SV2B: variants seen among roughly 807,000 people sequenced by gnomAD.
The protein encoded by SV2B is synaptic vesicle glycoprotein 2B.
In SV2B, 41 loss-of-function variants were observed where a neutral mutation model predicts 73.9. The ratio of observed to expected loss-of-function variants is 0.56; its 90% CI spans 0.43 to 0.72. The LOEUF is 0.72. Among genes scored for constraint, SV2B ranks in the 30% least tolerant of loss-of-function variants. SV2B has a pLI of 0.00. For missense variants in SV2B, 764 were observed against 857.8 expected, an observed-to-expected ratio of 0.89 and a Z score of 1.37; for synonymous variants, 314 against 314.2, an observed-to-expected ratio of 1.00 and a Z score of 0.01.
chr15:91,120,363 TGAAAACA>T (rs1457988811), intron 1 of SV2B, among the ~76,000 whole-genome samples: 12 of 152,320 alleles, frequency 7.9e-5, no homozygotes, highest in African/African-American at 2.9e-4. Context: ...CTCACTATCG[TGAAAACA>T]GCATGGGGAA....
chr15:91,276,706 A>G (rs2048499320), intron 9 of SV2B, among the ~76,000 whole-genome samples: 1 of 151,670 alleles, frequency 6.6e-6, no homozygotes, highest in South Asian at 2.1e-4. Context: ...TCAACTGCTC[A>G]TGCGTGTTAA....
chr15:91,226,027 T>A lies in SV2B; in HGVS notation c.-237T>A. 1 of 525,498 alleles carries A rather than the reference T, an allele frequency of 1.9e-6. No homozygotes were observed. Among genetic ancestry groups the A allele is most frequent in the Non-Finnish European group, 3.3e-6 (1 of 298,530 alleles). 32.6% of individuals were successfully genotyped at this position (525,498 alleles called of 1,614,324 possible). A position where few individuals can be genotyped will look rare whatever the true frequency, so the allele number is the denominator to read the frequency against. ...TGAAGGAGACCAGAGCTTGAAACTT[T>A]CCAGACTTCCAACAGACATCGAGTG... On this transcript the variant is annotated 5_prime_UTR_variant, in exon 2 of 13. Transcript: ENST00000394232.
At chr15:91,282,032 T>G (rs2048698742) in intron 10 of SV2B, among the ~76,000 whole-genome samples, 171 bp downstream of exon 10, 1 of 152,214 alleles carries the variant, frequency 6.6e-6, no homozygotes, top group South Asian at 2.1e-4. Context: ...ACAAATTAGG[T>G]GCACAGCCTT....
In SV2B at chr15:91,128,425, A is replaced by G. The variant is rs1202850744; in HGVS notation, c.-392+28062A>G. 6.6e-6 allele frequency among the ~76,000 whole-genome samples: 1 copy of G among 152,180 alleles called. No individual in the cohort carries two copies. On this transcript the variant is annotated intron_variant, in intron 1 of 12. Coordinates refer to ENST00000394232, the MANE Select transcript of SV2B (RefSeq NM_001323032.3). This position sits in a 1 kb window ranked among gnomAD's most constrained non-coding sequence, Gnocchi z 4.2. ...GTCTGATTCCACCCCGCAAACCCTC[A>G]CCTGGCTGAATATGAGATCCCTACA...
chr15:91,111,527 G>A (rs560566841), intron 1 of SV2B, among the ~76,000 whole-genome samples: 4 of 152,280 alleles, frequency 2.6e-5, no homozygotes, highest in Non-Finnish European at 4.4e-5. Context: ...GGGGGGCCAG[G>A]CAAAGCTATT....
At chr15:91,285,113 A>T (rs1485829079) in intron 11 of SV2B, among the ~76,000 whole-genome samples, 2 of 152,154 alleles carry the variant, frequency 1.3e-5, no homozygotes, top group African/African-American at 2.4e-5. Flanking sequence ...ATAAATCATA[A>T]AGTCATTTTG....
At position 91,124,741 on chromosome 15, in the gene SV2B, C is replaced by T. The variant is rs2042428146; in HGVS notation, c.-392+24378C>T. On this transcript the variant is annotated intron_variant, in intron 1 of 12. Transcript: ENST00000394232. This position sits in a 1 kb window ranked among gnomAD's most constrained non-coding sequence, Gnocchi z 4.6. Reference sequence around the variant, plus strand: ...CTATCTTGGCTCACTGCAACCTCCACCTCCTGGGTTCAAGCGATTCTTGAG... The same window carrying T: ...CTATCTTGGCTCACTGCAACCTCCATCTCCTGGGTTCAAGCGATTCTTGAG... Among the ~76,000 whole-genome samples, 1 of 152,034 alleles carries T rather than the reference C, an allele frequency of 6.6e-6. No homozygotes were observed. Among genetic ancestry groups the T allele is most frequent in the Non-Finnish European group, 1.5e-5 (1 of 67,998 alleles).
At chr15:91,190,665 A>G (rs2044975241) in intron 1 of SV2B, among the ~76,000 whole-genome samples, 1 of 152,188 alleles carries the variant, frequency 6.6e-6, no homozygotes, top group Non-Finnish European at 1.5e-5. Flanking sequence ...TTCCCGTTTT[A>G]TGGTCAGAGA....
chr15:91,271,060 A>G (rs72478460), intron 9 of SV2B, among the ~76,000 whole-genome samples: 21,602 of 97,488 alleles, frequency 0.22, 4,313 homozygotes, highest in African/African-American at 0.51. Context: ...GATGATGGGC[A>G]GACGGTAAGT....
In SV2B at chr15:91,258,679, G is replaced by A; in HGVS notation, c.918+125G>A. The A allele has an allele frequency of 7.2e-7, 1 of 1,393,018 alleles. No individual in the cohort carries two copies. Among genetic ancestry groups the A allele is most frequent in the Non-Finnish European group, 9.6e-7 (1 of 1,038,150 alleles). 86.3% of individuals were successfully genotyped at this position (1,393,018 alleles called of 1,614,324 possible). A position where few individuals can be genotyped will look rare whatever the true frequency, so the allele number is the denominator to read the frequency against. ...CTTATGTGTTGCAAACTCTCCCCTG[G>A]TCGGCTGACCTCACTCATCATTGAA... On this transcript the variant is annotated intron_variant, in intron 5 of 12. Coordinates refer to ENST00000394232, the MANE Select transcript of SV2B (RefSeq NM_001323032.3). The surrounding 1 kb of genome is among the most constrained non-coding windows in gnomAD (Gnocchi z 4.7).
At position 91,236,827 on chromosome 15, in the gene SV2B, T is replaced by C. The variant is rs1022711111; in HGVS notation, c.451+10113T>C. Among the ~76,000 whole-genome samples, 1 of 152,006 alleles carries C rather than the reference T, an allele frequency of 6.6e-6. No homozygotes were observed. The highest frequency in any genetic ancestry group is 1.5e-5 in the Non-Finnish European group (1 of 68,008). On this transcript the variant is annotated intron_variant, in intron 2 of 12. Transcript: ENST00000394232. This position sits in a 1 kb window ranked among gnomAD's most constrained non-coding sequence, Gnocchi z 4.1. The stretch of plus-strand genomic sequence containing the variant: ...ATCGGAGGGCTCACCCACACAAATA[T>C]CTGGTACCCAAACTGGAAGACGCAG...
intron 1 of SV2B, among the ~76,000 whole-genome samples, chr15:91,102,656 G>A (rs1026434591): frequency 6.6e-6 from 1 of 152,204 alleles, no homozygotes; most frequent in African/African-American, 2.4e-5. Flanking sequence ...AAATAAATAA[G>A]TATAGAGTGT....
chr15:91,194,067 GT>G (rs1210033976), intron 1 of SV2B, among the ~76,000 whole-genome samples: 1 of 151,924 alleles, frequency 6.6e-6, no homozygotes, highest in Non-Finnish European at 1.5e-5. Flanking sequence ...GGGTTCGATG[GT>G]CAGGGAGGAG....
intron 1 of SV2B, among the ~76,000 whole-genome samples, chr15:91,165,370 A>T (rs1452722383): frequency 6.6e-6 from 1 of 152,228 alleles, no homozygotes; most frequent in Admixed American, 6.5e-5. Flanking sequence ...TTGTATCAGT[A>T]TTGAACGTGT....
chr15:91,217,900 TAGTCC>T (rs2046088981), intron 1 of SV2B, among the ~76,000 whole-genome samples: 2 of 152,354 alleles, frequency 1.3e-5, no homozygotes, highest in South Asian at 4.1e-4. Flanking sequence ...CTGTCTCCAG[TAGTCC>T]AGTGGACTTT....
chr15:91,300,231 A>G lies in SV2B; in HGVS notation c.*7679A>G, dbSNP rs1351918580. 1 of 152,084 alleles carries G rather than the reference A, an allele frequency of 6.6e-6. No homozygotes were observed. The highest frequency in any genetic ancestry group is 1.9e-4 in the East Asian group (1 of 5,192). The allele number at this position is 152,084 out of a possible 1,614,324, so 9.4% of individuals were successfully genotyped here. A position where few individuals can be genotyped will look rare whatever the true frequency, so the allele number is the denominator to read the frequency against. ...ATCCATGAATTTCAGGTTTCAAGGA[A>G]GGAGGAATATCTGACTATTTTTTTT... On this transcript the variant is annotated 3_prime_UTR_variant, in exon 13 of 13. Coordinates refer to ENST00000394232, the MANE Select transcript of SV2B (RefSeq NM_001323032.3).
In SV2B at chr15:91,110,589, G is replaced by A. The variant is rs536328016; in HGVS notation, c.-392+10226G>A. 1.3e-5 allele frequency among the ~76,000 whole-genome samples: 2 copies of A among 152,300 alleles called. No individual in the cohort carries two copies. Among genetic ancestry groups the A allele is most frequent in the South Asian group, 2.1e-4 (1 of 4,826 alleles). The stretch of plus-strand genomic sequence containing the variant: ...CCTGATCTGGGGTGCAGCAGATGGC[G>A]CCGAGGAATGGAGCCCAGCTGGCAC... On this transcript the variant is annotated intron_variant, in intron 1 of 12. Transcript: ENST00000394232. This position sits in a 1 kb window ranked among gnomAD's most constrained non-coding sequence, Gnocchi z 5.4.
At chr15:91,222,520 A>G (rs973284369) in intron 1 of SV2B, among the ~76,000 whole-genome samples, 1 of 152,190 alleles carries the variant, frequency 6.6e-6, no homozygotes, top group African/African-American at 2.4e-5. Flanking sequence ...TGCCTTCAGC[A>G]TCAAGATCCC....
chr15:91,195,197 A>G (rs2141365432), intron 1 of SV2B, among the ~76,000 whole-genome samples: 1 of 152,118 alleles, frequency 6.6e-6, no homozygotes, highest in African/African-American at 2.4e-5. Context: ...CCCCTCTGTT[A>G]CCCAGGCTGG....
Sources: gnomAD v4.1 joint callset for allele counts (sites outside exome capture counted in the v4.1 genomes callset) on GRCh38, gnomAD v4.1.1 for gene constraint, Gnocchi (gnomAD v3.1) non-coding constraint, MANE v1.5 for transcripts, NCBI Gene and HGNC (gene_info 2026-07-23, HGNC 2026-07-21) for gene names.